Variants in GPM6A observed in about 807,000 individuals in gnomAD.
The protein encoded by GPM6A is neuronal membrane glycoprotein M6-a.
GPM6A carries 7 observed loss-of-function variants against 32.1 expected under a neutral mutation model. That is an observed-to-expected ratio of 0.22 (90% CI 0.12 to 0.41). The LOEUF (loss-of-function observed/expected upper bound fraction) is 0.41. Ranked by LOEUF, GPM6A falls within the 10% of genes least tolerant of loss-of-function variation. The pLI is 1.00. For synonymous variants in GPM6A, 130 were observed against 123.4 expected, an observed-to-expected ratio of 1.05 and a Z score of -0.35; for missense variants, 235 against 347.2, an observed-to-expected ratio of 0.68 and a Z score of 2.57.
chr4:175,876,593 C>T (rs750922717), intron 1 of GPM6A, among the ~76,000 whole-genome samples: 16 of 152,092 alleles, frequency 1.1e-4, no homozygotes, highest in South Asian at 2.1e-4. Context: ...CTGTGGGATG[C>T]GCAATTTAAG....
intron 1 of GPM6A, among the ~76,000 whole-genome samples, chr4:175,735,418 C>A (rs1731616137): frequency 6.6e-6 from 1 of 152,054 alleles, no homozygotes. Flanking sequence ...CTGAGAAGGA[C>A]AAATACACTA....
chr4:175,642,247 A>G (rs528821796), intron 4 of GPM6A, among the ~76,000 whole-genome samples: 350 of 152,304 alleles, frequency 2.3e-3, no homozygotes, highest in Non-Finnish European at 4.1e-3. Flanking sequence ...TCCTCCCTAA[A>G]AAATCACCAT....
intron 1 of GPM6A, among the ~76,000 whole-genome samples, chr4:175,914,333 T>G (rs74551240): frequency 0.11 from 16,208 of 152,250 alleles, 926 homozygotes; most frequent in South Asian, 0.27. Flanking sequence ...TGTTTTGTTT[T>G]GTTTTTGAGA....
intron 4 of GPM6A, among the ~76,000 whole-genome samples, chr4:175,643,981 G>A (rs892267688): frequency 3.9e-5 from 6 of 152,168 alleles, no homozygotes; most frequent in Non-Finnish European, 8.8e-5. Flanking sequence ...CAGGTGAGAA[G>A]TATGCAAGAC....
intron 2 of GPM6A, among the ~76,000 whole-genome samples, chr4:175,694,089 G>A (rs1560879489): frequency 6.6e-6 from 1 of 152,126 alleles, no homozygotes; most frequent in Non-Finnish European, 1.5e-5. Context: ...CCAAGCAGAT[G>A]CCAGCATCAT....
At chr4:175,847,651 A>G (rs955075246) in intron 1 of GPM6A, among the ~76,000 whole-genome samples, 5 of 152,182 alleles carry the variant, frequency 3.3e-5, no homozygotes, top group African/African-American at 1.2e-4. Flanking sequence ...AAGCCATAAA[A>G]TGCTTCCTTT....
chr4:175,788,738 T>A (rs1733896869), intron 1 of GPM6A, among the ~76,000 whole-genome samples: 1 of 152,184 alleles, frequency 6.6e-6, no homozygotes, highest in African/African-American at 2.4e-5. Context: ...AATTTTAAAA[T>A]ACCAGCCAAT....
chr4:175,636,972 A>C (rs1285514282), intron 6 of GPM6A, among the ~76,000 whole-genome samples: 1 of 134,302 alleles, frequency 7.4e-6, no homozygotes, highest in Non-Finnish European at 1.6e-5. Flanking sequence ...ATATATATTT[A>C]TATATGTAAA....
At chr4:175,841,463 A>AGAT (rs1248274898) in intron 1 of GPM6A, among the ~76,000 whole-genome samples, 1 of 152,168 alleles carries the variant, frequency 6.6e-6, no homozygotes, top group Non-Finnish European at 1.5e-5. Flanking sequence ...GGTAAAATAA[A>AGAT]GATTAGTGTT....
At chr4:175,677,949 T>A (rs150931644) in intron 2 of GPM6A, among the ~76,000 whole-genome samples, 6 of 152,168 alleles carry the variant, frequency 3.9e-5, no homozygotes, top group Non-Finnish European at 1.5e-5. Flanking sequence ...AGTCACATGA[T>A]GGTTAGGATA....
rs548135396 is a variant in GPM6A, at chr4:175,826,225, T to C, written c.-22-13976A>G. Reference sequence around the variant, plus strand: ...AGTCTCAAAAACCATTGGCCACTGATCCGTACCATAAGGCTTGAAAGACCT... The same window carrying C: ...AGTCTCAAAAACCATTGGCCACTGACCCGTACCATAAGGCTTGAAAGACCT... On this transcript the variant is annotated intron_variant, in intron 1 of 7. Coordinates refer to the GPM6A transcript ENST00000280187. 4.6e-5 allele frequency among the ~76,000 whole-genome samples: 7 copies of C among 152,040 alleles called. No homozygotes were observed. The East Asian group carries it at 1.4e-3, about 29-fold the overall frequency.
chr4:175,825,443 A>G (rs189790147), intron 1 of GPM6A, among the ~76,000 whole-genome samples: 12 of 152,330 alleles, frequency 7.9e-5, no homozygotes, highest in Non-Finnish European at 1.2e-4. Context: ...GTCCATGAAC[A>G]CATATACTGG....
chr4:175,954,644 G>C (rs62340589), intron 1 of GPM6A, among the ~76,000 whole-genome samples: 21,515 of 152,210 alleles, frequency 0.14, 1,975 homozygotes, highest in Non-Finnish European at 0.2. Context: ...TCTCTGGAGA[G>C]ACAATGGAAG....
chr4:175,954,131 T>C (rs1419396919), intron 1 of GPM6A, among the ~76,000 whole-genome samples: 1 of 152,190 alleles, frequency 6.6e-6, no homozygotes, highest in Non-Finnish European at 1.5e-5. Context: ...CTGAGCTGTC[T>C]GAGAAGGTAG....
intron 1 of GPM6A, among the ~76,000 whole-genome samples, chr4:175,793,995 G>A (rs995433656): frequency 2.0e-5 from 3 of 151,024 alleles, no homozygotes; most frequent in African/African-American, 7.4e-5. Flanking sequence ...ATCTTGATTT[G>A]GATTCATTTT....
intron 1 of GPM6A, among the ~76,000 whole-genome samples, chr4:175,982,304 G>A (rs71613769): frequency 6.6e-6 from 1 of 151,910 alleles, no homozygotes; most frequent in Non-Finnish European, 1.5e-5. Flanking sequence ...GTTTGTCCTA[G>A]GAAATATTTG....
intron 1 of GPM6A, among the ~76,000 whole-genome samples, chr4:175,830,316 G>A (rs1259872505): frequency 2.0e-5 from 3 of 152,078 alleles, no homozygotes; most frequent in South Asian, 2.1e-4. Flanking sequence ...ACTTGGGCAC[G>A]TTTGCTACAT....
intron 3 of GPM6A, among the ~76,000 whole-genome samples, chr4:175,666,586 T>C (rs954146344): frequency 1.3e-5 from 2 of 152,198 alleles, no homozygotes; most frequent in African/African-American, 4.8e-5. Flanking sequence ...TATCAGTTCT[T>C]TAAAAGACCA....
intron 3 of GPM6A, among the ~76,000 whole-genome samples, chr4:175,663,076 T>C (rs1459733403): frequency 6.6e-6 from 1 of 152,148 alleles, no homozygotes; most frequent in Admixed American, 6.6e-5. Flanking sequence ...CAAAACTAAT[T>C]ACAATGTAGG....
Sources: gnomAD v4.1 joint callset for allele counts (sites outside exome capture counted in the v4.1 genomes callset) on GRCh38, gnomAD v4.1.1 for gene constraint, MANE v1.5 for transcripts, NCBI Gene and HGNC (gene_info 2026-07-23, HGNC 2026-07-21) for gene names.